ERC1: variants seen among roughly 807,000 people sequenced by gnomAD.
The protein encoded by ERC1 is RAB6 interacting protein 2.
Under a neutral mutation model 132.0 loss-of-function variants are expected in ERC1, and 56 were observed. The observed-to-expected ratio is 0.42, with a 90% confidence interval of 0.34 to 0.53. The LOEUF (loss-of-function observed/expected upper bound fraction) is 0.53. Ranked by LOEUF, ERC1 falls within the 20% of genes least tolerant of loss-of-function variation. The probability of loss-of-function intolerance (pLI) is 0.03; values close to 1 mark genes in which losing one functional copy is unlikely to be tolerated. For missense variants in ERC1, 1,202 were observed against 1,349.9 expected (o/e 0.89, Z 1.72); for synonymous variants, 478 against 476.1 (o/e 1.00, Z -0.05).
At chr12:1,225,162 C>T (rs2074456299) in intron 12 of ERC1, among the ~76,000 whole-genome samples, 1 of 151,808 alleles carries the variant, frequency 6.6e-6, no homozygotes, top group African/African-American at 2.4e-5. Context: ...TGGAGGTAGT[C>T]ATTAGTATGT....
chr12:1,209,854 C>T (rs1957700944), intron 12 of ERC1, among the ~76,000 whole-genome samples: 1 of 152,182 alleles, frequency 6.6e-6, no homozygotes, highest in Non-Finnish European at 1.5e-5. Context: ...AACAATATCT[C>T]TGTTGATTTA....
At chr12:1,057,180 A>C (rs949797238) in intron 2 of ERC1, among the ~76,000 whole-genome samples, 2 of 152,102 alleles carry the variant, frequency 1.3e-5, no homozygotes, top group African/African-American at 4.8e-5. Flanking sequence ...TCACTTTGTC[A>C]GCGCGATCTC....
intron 16 of ERC1, among the ~76,000 whole-genome samples, chr12:1,399,000 C>G (rs56706235): frequency 0.22 from 29,345 of 131,278 alleles, 5,519 homozygotes; most frequent in African/African-American, 0.53. Context: ...GGCTGGAGAG[C>G]AATGGTGCGA....
At chr12:1,303,812 G>T (rs2080611420) in intron 15 of ERC1, among the ~76,000 whole-genome samples, 1 of 151,956 alleles carries the variant, frequency 6.6e-6, no homozygotes, top group African/African-American at 2.4e-5. Flanking sequence ...AAATTAGCTG[G>T]GTGTGGTGGC....
intron 15 of ERC1, among the ~76,000 whole-genome samples, chr12:1,303,600 C>T (rs2080590057): frequency 6.6e-6 from 1 of 150,858 alleles, no homozygotes; most frequent in Non-Finnish European, 1.5e-5. Context: ...GATCTCGCCA[C>T]TGCACTCCAG....
chr12:1,170,745 C>T (rs1267226773), intron 8 of ERC1, among the ~76,000 whole-genome samples: 1 of 152,304 alleles, frequency 6.6e-6, no homozygotes, highest in South Asian at 2.1e-4. Context: ...ATGCGAGAGG[C>T]CCCTAGTTCC....
chr12:1,206,694 C>T (rs1464794587), intron 12 of ERC1, among the ~76,000 whole-genome samples: 1 of 152,034 alleles, frequency 6.6e-6, no homozygotes, highest in Non-Finnish European at 1.5e-5. Context: ...GTTCAGAATT[C>T]TTCTTTTGGC....
chr12:1,351,277 A>G (rs1159068230), intron 15 of ERC1, among the ~76,000 whole-genome samples: 5 of 152,234 alleles, frequency 3.3e-5, no homozygotes, highest in East Asian at 1.9e-4. Flanking sequence ...ATTTATTTCT[A>G]TAAAGTGTTG....
intron 2 of ERC1, among the ~76,000 whole-genome samples, chr12:1,034,505 ACTT>A (rs1365806302): frequency 6.6e-6 from 1 of 152,180 alleles, no homozygotes; most frequent in African/African-American, 2.4e-5. Context: ...TAAAGGCTCT[ACTT>A]TTCAAGAATG....
chr12:1,487,897 G>A (rs926404301), intron 18 of ERC1, among the ~76,000 whole-genome samples: 2 of 151,948 alleles, frequency 1.3e-5, no homozygotes, highest in African/African-American at 4.8e-5. Context: ...CCAACACTTT[G>A]GGAGGCCGAG....
chr12:1,444,822 G>A (rs903160897), intron 18 of ERC1, 72 bp downstream of exon 18: 3 of 1,409,908 alleles, frequency 2.1e-6, no homozygotes, highest in South Asian at 1.3e-5. Context: ...TGCAGTGGGG[G>A]CTACCTTGGG....
At chr12:1,455,630 C>T (rs942600477) in intron 18 of ERC1, among the ~76,000 whole-genome samples, 5 of 152,180 alleles carry the variant, frequency 3.3e-5, no homozygotes, top group Non-Finnish European at 7.3e-5. Context: ...CATTAGCTCA[C>T]GTAGAACTAA....
chr12:1,162,550 A>C (rs907962684), intron 8 of ERC1, among the ~76,000 whole-genome samples: 4 of 151,538 alleles, frequency 2.6e-5, no homozygotes, highest in Non-Finnish European at 5.9e-5. Flanking sequence ...GTAGGAGGTC[A>C]GAAAGAATAG....
chr12:1,241,697 C>G (rs1415212060), intron 13 of ERC1, among the ~76,000 whole-genome samples: 1 of 152,090 alleles, frequency 6.6e-6, no homozygotes, highest in East Asian at 1.9e-4. Context: ...CCCTGATACC[C>G]AGTTCTCCTG....
intron 1 of ERC1, among the ~76,000 whole-genome samples, chr12:996,308 T>TAA (rs1960885195): frequency 6.7e-6 from 1 of 148,734 alleles, no homozygotes; most frequent in Non-Finnish European, 1.5e-5. Flanking sequence ...TTCACTGTGT[T>TAA]AGCCAGGATG....
At position 1,077,563 on chromosome 12, in the gene ERC1, C is replaced by T. The variant is rs1352263672; in HGVS notation, c.670-5601C>T. On this transcript the variant is annotated intron_variant, in intron 2 of 18. Coordinates refer to ENST00000360905, the MANE Select transcript of ERC1 (RefSeq NM_178040.4). ...CCCTGGAGTAAATTTTAGACAAATACTTTCCCAGCCTTTCAAAATCAAGCT... is the reference window on the plus strand; with the variant it reads ...CCCTGGAGTAAATTTTAGACAAATATTTTCCCAGCCTTTCAAAATCAAGCT... Among the ~76,000 whole-genome samples, 9 of 152,124 alleles carry T rather than the reference C, an allele frequency of 5.9e-5. No individual in the cohort carries two copies. In the South Asian group the frequency reaches 1.4e-3, roughly 25 times the overall value.
intron 18 of ERC1, among the ~76,000 whole-genome samples, chr12:1,478,536 G>A (rs2094019048): frequency 6.6e-6 from 1 of 152,206 alleles, no homozygotes; most frequent in South Asian, 2.1e-4. Flanking sequence ...GCTCACGCCT[G>A]TAATCCCAGC....
intron 18 of ERC1, among the ~76,000 whole-genome samples, chr12:1,479,928 C>T (rs1466730259): frequency 2.0e-5 from 3 of 152,146 alleles, no homozygotes; most frequent in Non-Finnish European, 4.4e-5. Flanking sequence ...GCTGCCCTCA[C>T]GCCTGTCCTC....
chr12:1,190,890 A>AT (rs59555156), intron 12 of ERC1, among the ~76,000 whole-genome samples: 59,084 of 148,422 alleles, frequency 0.4, 12,211 homozygotes, highest in African/African-American at 0.52. Flanking sequence ...CTTAAGAATA[A>AT]TTTTTTTTTT....
Sources: allele counts gnomAD v4.1 joint callset (sites outside exome capture counted in the v4.1 genomes callset), GRCh38; gene constraint gnomAD v4.1.1; transcripts MANE v1.5; gene names NCBI Gene and HGNC (gene_info 2026-07-23, HGNC 2026-07-21).